The following NELL1 variants were observed in gnomAD, a reference collection of about 807,000 sequenced individuals.
The protein encoded by NELL1 is protein kinase C-binding protein NELL1.
A neutral mutation model predicts 107.4 loss-of-function variants in NELL1; 76 were observed. The observed-to-expected ratio is 0.71, with a 90% CI of 0.59 to 0.86. NELL1 has a LOEUF of 0.86. Ranked by LOEUF, NELL1 falls within the 40% of genes least tolerant of loss-of-function variation. The probability of loss-of-function intolerance (pLI) is 0.00; values close to 1 mark genes in which losing one functional copy is unlikely to be tolerated. For missense variants in NELL1, 1,024 were observed against 1,005.5 expected (o/e 1.02, Z -0.25); for synonymous variants, 353 against 341.2 (o/e 1.03, Z -0.38).
chr11:20,755,560 T>TTTTTTTTTTTTATTTA (rs1564895091), intron 2 of NELL1, among the ~76,000 whole-genome samples: 1 of 14,680 alleles, frequency 6.8e-5, no homozygotes, highest in East Asian at 4.0e-3. Context: ...GTTTTTGTTT[T>TTTTTTTTTTTTATTTA]TGTTTTTTTT....
intron 12 of NELL1, among the ~76,000 whole-genome samples, chr11:21,011,268 T>A (rs1166247838): frequency 6.6e-6 from 1 of 152,126 alleles, no homozygotes. Context: ...TCATTTTCAT[T>A]GACAAGTCCC....
At chr11:21,221,065 G>A (rs1857744672) in intron 13 of NELL1, among the ~76,000 whole-genome samples, 1 of 152,122 alleles carries the variant, frequency 6.6e-6, no homozygotes, top group African/African-American at 2.4e-5. Context: ...TTCATTGAGA[G>A]TTTTTATCAT....
intron 3 of NELL1, among the ~76,000 whole-genome samples, chr11:20,834,245 T>G (rs7924759): frequency 6.6e-6 from 1 of 152,118 alleles, no homozygotes; most frequent in Non-Finnish European, 1.5e-5. Context: ...TAGAACTTGC[T>G]GATGGTGTGC....
intron 2 of NELL1, among the ~76,000 whole-genome samples, chr11:20,703,661 A>G (rs182857673): frequency 1.3e-5 from 2 of 152,288 alleles, no homozygotes; most frequent in Admixed American, 6.5e-5. Flanking sequence ...ATTTCTCTCT[A>G]CACACTGCTT....
chr11:20,756,596 C>T (rs527695875), intron 2 of NELL1, among the ~76,000 whole-genome samples: 87 of 146,130 alleles, frequency 6.0e-4, no homozygotes, highest in Non-Finnish European at 1.0e-3. Context: ...CTCCTGACCT[C>T]GTGATCCGCC....
chr11:20,860,153 A>C (rs1181065977), intron 4 of NELL1, among the ~76,000 whole-genome samples: 1 of 152,120 alleles, frequency 6.6e-6, no homozygotes, highest in Non-Finnish European at 1.5e-5. Context: ...TGTCAAGTTC[A>C]CTCTTATACA....
At chr11:20,871,055 G>A (rs1211645500) in intron 4 of NELL1, among the ~76,000 whole-genome samples, 1 of 152,152 alleles carries the variant, frequency 6.6e-6, no homozygotes, top group African/African-American at 2.4e-5. Context: ...AGTAAAAAAA[G>A]CACCGCTTGG....
chr11:21,104,571 A>G (rs879051377), intron 12 of NELL1, among the ~76,000 whole-genome samples: 1 of 152,232 alleles, frequency 6.6e-6, no homozygotes, highest in Non-Finnish European at 1.5e-5. Context: ...TTCATGGTGT[A>G]TGTAACCTTG....
intron 15 of NELL1, among the ~76,000 whole-genome samples, chr11:21,381,145 C>T (rs1293036943): frequency 6.6e-6 from 1 of 151,922 alleles, no homozygotes; most frequent in Non-Finnish European, 1.5e-5. Context: ...TGTCTGTGCC[C>T]AAGGGCAATT....
intron 14 of NELL1, among the ~76,000 whole-genome samples, chr11:21,232,888 A>G (rs1858101077): frequency 6.6e-6 from 1 of 152,138 alleles, no homozygotes; most frequent in Non-Finnish European, 1.5e-5. Flanking sequence ...CCTGACCTCA[A>G]GTGATTTGCC....
chr11:21,173,277 A>G (rs369466242), intron 13 of NELL1, among the ~76,000 whole-genome samples: 2 of 151,818 alleles, frequency 1.3e-5, no homozygotes, highest in Non-Finnish European at 2.9e-5. Context: ...TGTAGAGGCC[A>G]GTGAGGGAAG....
chr11:20,859,756 A>C (rs1848944727), intron 4 of NELL1, among the ~76,000 whole-genome samples: 1 of 152,072 alleles, frequency 6.6e-6, no homozygotes, highest in Admixed American at 6.6e-5. Context: ...TTTTATTGGC[A>C]CCTAATTAGA....
intron 4 of NELL1, among the ~76,000 whole-genome samples, chr11:20,870,798 T>C (rs1255211651): frequency 2.0e-5 from 3 of 152,212 alleles, no homozygotes; most frequent in African/African-American, 7.2e-5. Context: ...TTGCTCTTCT[T>C]CCATGATTGT....
chr11:20,791,102 T>A (rs7129413), intron 3 of NELL1, among the ~76,000 whole-genome samples: 24,758 of 152,160 alleles, frequency 0.16, 2,495 homozygotes, highest in African/African-American at 0.28. Context: ...CTTGTCAGTT[T>A]CCGCAAATAA....
At chr11:21,222,327 CT>C in intron 13 of NELL1, among the ~76,000 whole-genome samples, 1 of 151,924 alleles carries the variant, frequency 6.6e-6, no homozygotes, top group South Asian at 2.1e-4. Context: ...CTACAGGCAC[CT>C]GCCACCACAC....
intron 13 of NELL1, among the ~76,000 whole-genome samples, chr11:21,164,441 A>G (rs767869019): frequency 1.3e-5 from 2 of 152,190 alleles, no homozygotes; most frequent in South Asian, 2.1e-4. Context: ...TAGACTTTAA[A>G]TGTCCACTTA....
intron 2 of NELL1, among the ~76,000 whole-genome samples, chr11:20,689,565 T>C (rs60877790): frequency 0.14 from 21,056 of 149,496 alleles, 1,646 homozygotes; most frequent in African/African-American, 0.2. Flanking sequence ...GATAGTTTAC[T>C]GAGAATGATG....
chr11:21,452,701 G>T, intron 15 of NELL1, among the ~76,000 whole-genome samples: 1 of 151,814 alleles, frequency 6.6e-6, no homozygotes. Context: ...TTCCTACAGT[G>T]TACTTTGTGT....
chr11:20,950,212 G>T (rs1045754631), intron 11 of NELL1, among the ~76,000 whole-genome samples: 6 of 152,160 alleles, frequency 3.9e-5, no homozygotes, highest in African/African-American at 1.4e-4. Flanking sequence ...ACAGCAGAGA[G>T]AATCCCAGAA....
Sources: gnomAD v4.1 joint callset for allele counts (sites outside exome capture counted in the v4.1 genomes callset) on GRCh38, gnomAD v4.1.1 for gene constraint, MANE v1.5 for transcripts, NCBI Gene and HGNC (gene_info 2026-07-23, HGNC 2026-07-21) for gene names.